Variants in GRIP1 observed in about 807,000 individuals in gnomAD.
The protein encoded by GRIP1 is glutamate receptor interacting protein 1.
A neutral mutation model predicts 129.9 loss-of-function variants in GRIP1; 45 were observed. That is an observed-to-expected ratio of 0.35 (90% CI 0.27 to 0.44). The LOEUF is 0.44. GRIP1 is among the 20% of genes least tolerant of loss of function. GRIP1 has a pLI of 1.00. For missense variants in GRIP1, 1,196 were observed against 1,396.8 expected (o/e 0.86, Z 2.29); for synonymous variants, 530 against 520.8 (o/e 1.02, Z -0.24).
At position 66,379,306 on chromosome 12, in the gene GRIP1, T is replaced by C. The variant is rs1161326482; in HGVS notation, c.2595A>G (p.Glu865=). The change falls in exon 20 of 25, where the codon GAA becomes GAG. Residue 865 remains glutamate, a synonymous_variant. Transcript: ENST00000359742. ...CACTGGCTGTGGACCGGTCCCAGTC[T>C]TCATAACTCAGCCCCACATCTGGGT... ...QTYPDVGLSY[E]DWDRSTASGF... 1 of 1,614,000 alleles carries C rather than the reference T, an allele frequency of 6.2e-7. No homozygotes were observed. The highest frequency in any genetic ancestry group is 1.7e-5 in the Admixed American group (1 of 60,022).
intron 1 of GRIP1, among the ~76,000 whole-genome samples, chr12:66,895,599 G>T (rs903964710): frequency 2.0e-5 from 3 of 152,106 alleles, no homozygotes; most frequent in African/African-American, 7.2e-5. Context: ...ACTGAGGTAT[G>T]GGTAATGTTC....
chr12:66,741,664 T>C (rs1490971889), intron 1 of GRIP1, among the ~76,000 whole-genome samples: 1 of 152,192 alleles, frequency 6.6e-6, no homozygotes, highest in African/African-American at 2.4e-5. Context: ...AATCTAAACG[T>C]TATTAAGGTT....
chr12:66,997,174 C>T (rs893768257), intron 1 of GRIP1, among the ~76,000 whole-genome samples: 2 of 152,016 alleles, frequency 1.3e-5, no homozygotes, highest in African/African-American at 4.8e-5. Context: ...GAATTTAATA[C>T]AAAATTACAA....
At chr12:66,690,005 G>A (rs2034923355) in intron 1 of GRIP1, among the ~76,000 whole-genome samples, 1 of 152,052 alleles carries the variant, frequency 6.6e-6, no homozygotes, top group South Asian at 2.1e-4. Flanking sequence ...TGTAGCTTCA[G>A]CCTCCAGGGC....
Position 66,352,560 on chromosome 12 carries a change from C to T in GRIP1, c.3159+857G>A, listed in dbSNP as rs570766735. 3.9e-5 allele frequency among the ~76,000 whole-genome samples: 6 copies of T among 152,064 alleles called. No individual in the cohort carries two copies. In the South Asian group the frequency reaches 6.2e-4, roughly 16 times the overall value. The stretch of plus-strand genomic sequence containing the variant: ...CCAGCCTGGCCAACCTGGTGAAACA[C>T]GGTCTCTACTAAAAATACAAAAATT... On this transcript the variant is annotated intron_variant, in intron 24 of 24. Coordinates refer to ENST00000359742, the MANE Select transcript of GRIP1 (RefSeq NM_001366722.1).
chr12:66,976,353 A>G (rs553679592), intron 1 of GRIP1, among the ~76,000 whole-genome samples: 2 of 152,250 alleles, frequency 1.3e-5, no homozygotes, highest in South Asian at 2.1e-4. Flanking sequence ...AGACTGTCCA[A>G]TCCAGTCCTT....
At chr12:66,942,388 A>G (rs1439541535) in intron 1 of GRIP1, among the ~76,000 whole-genome samples, 3 of 151,758 alleles carry the variant, frequency 2.0e-5, no homozygotes, top group African/African-American at 7.3e-5. Context: ...ACTGCCAAGC[A>G]TAACATTGCT....
chr12:66,986,024 T>C (rs796424486), intron 1 of GRIP1, among the ~76,000 whole-genome samples: 2 of 152,326 alleles, frequency 1.3e-5, no homozygotes, highest in African/African-American at 4.8e-5. Context: ...TTCTCCAGCC[T>C]AGAATGCCCT....
intron 1 of GRIP1, among the ~76,000 whole-genome samples, chr12:66,699,373 C>T (rs1455157085): frequency 6.6e-6 from 1 of 152,152 alleles, no homozygotes; most frequent in Non-Finnish European, 1.5e-5. Flanking sequence ...TTGTAGCTCC[C>T]ATAATTCCCA....
chr12:66,699,635 G>T (rs2035282729), intron 1 of GRIP1, among the ~76,000 whole-genome samples: 1 of 152,118 alleles, frequency 6.6e-6, no homozygotes, highest in African/African-American at 2.4e-5. Flanking sequence ...TTCAGTCTTG[G>T]GAATGTCTTT....
intron 1 of GRIP1, among the ~76,000 whole-genome samples, chr12:66,954,685 A>G (rs1409013928): frequency 1.3e-5 from 2 of 152,234 alleles, no homozygotes; most frequent in Admixed American, 6.5e-5. Context: ...TTAAGTGCCT[A>G]CTATGTGCCA....
chr12:66,569,421 G>A (rs999085011), intron 2 of GRIP1, among the ~76,000 whole-genome samples: 2 of 152,248 alleles, frequency 1.3e-5, no homozygotes, highest in Middle Eastern at 3.4e-3. Context: ...AGGTTGCCGT[G>A]AGCCAAGATT....
chr12:66,415,045 A>G (rs914457515), intron 15 of GRIP1, among the ~76,000 whole-genome samples: 12 of 151,936 alleles, frequency 7.9e-5, no homozygotes, highest in Admixed American at 7.9e-4. Context: ...AAGAAAATCT[A>G]GACAATACCA....
intron 16 of GRIP1, among the ~76,000 whole-genome samples, chr12:66,402,987 T>A (rs981806051): frequency 6.6e-6 from 1 of 152,214 alleles, no homozygotes; most frequent in African/African-American, 2.4e-5. Flanking sequence ...TTTCCTTCAG[T>A]AAGCTACAAG....
chr12:66,517,783 A>G (rs1045553269), intron 6 of GRIP1, 118 bp downstream of exon 6: 1 of 711,192 alleles, frequency 1.4e-6, no homozygotes, highest in African/African-American at 1.8e-5. Flanking sequence ...TCACATTGTA[A>G]CATGTTTGCT....
chr12:66,949,625 A>T (rs902638773), intron 1 of GRIP1, among the ~76,000 whole-genome samples: 1 of 152,162 alleles, frequency 6.6e-6, no homozygotes, highest in Non-Finnish European at 1.5e-5. Context: ...GTCTTATTTT[A>T]AAAAGTAGAC....
At chr12:66,561,597 G>C (rs2062532353) in intron 2 of GRIP1, among the ~76,000 whole-genome samples, 1 of 152,192 alleles carries the variant, frequency 6.6e-6, no homozygotes, top group African/African-American at 2.4e-5. Flanking sequence ...ACAGTCACTT[G>C]AAAAATATTT....
intron 14 of GRIP1, among the ~76,000 whole-genome samples, chr12:66,425,571 C>T (rs1275688003): frequency 6.6e-6 from 1 of 152,120 alleles, no homozygotes; most frequent in East Asian, 1.9e-4. Context: ...TAGAACCAAC[C>T]CAAATGTCCA....
intron 1 of GRIP1, among the ~76,000 whole-genome samples, chr12:66,704,106 T>C (rs990712939): frequency 6.6e-6 from 1 of 152,120 alleles, no homozygotes; most frequent in African/African-American, 2.4e-5. Context: ...ATCAAAGATA[T>C]AGATGGTGAA....
Sources: gnomAD v4.1 joint callset for allele counts (sites outside exome capture counted in the v4.1 genomes callset) on GRCh38, gnomAD v4.1.1 for gene constraint, MANE v1.5 for transcripts, NCBI Gene and HGNC (gene_info 2026-07-23, HGNC 2026-07-21) for gene names.